Variants in NDUFV3 observed in about 807,000 individuals in gnomAD.
NDUFV3 encodes NADH dehydrogenase [ubiquinone] flavoprotein 3, mitochondrial.
Under a neutral mutation model 37.5 loss-of-function variants are expected in NDUFV3, and 44 were observed. That is an observed-to-expected ratio of 1.17 (90% CI 0.92 to 1.51). The LOEUF is 1.51. Ranked by LOEUF, NDUFV3 falls within the 40% of genes most tolerant of loss-of-function variation. The pLI, the probability that NDUFV3 is intolerant of heterozygous loss-of-function variation, is 0.00. For missense variants in NDUFV3, 580 were observed against 580.4 expected (o/e 1.00, Z 0.01); for synonymous variants, 235 against 239.3 (o/e 0.98, Z 0.17).
chr21:42,896,820 CTGAG>C, intron 1 of NDUFV3, 103 bp from the exon 2 acceptor site: 1 of 1,195,398 alleles, frequency 8.4e-7, no homozygotes, highest in Non-Finnish European at 1.2e-6. Context: ...GCCTGGACGA[CTGAG>C]AGAGACCCCT....
chr21:42,905,676 C>T (rs568173396), intron 3 of NDUFV3, among the ~76,000 whole-genome samples: 11 of 151,940 alleles, frequency 7.2e-5, no homozygotes, highest in East Asian at 3.9e-4. Context: ...GCACCACCCC[C>T]GGCTAATTTT....
intron 3 of NDUFV3, among the ~76,000 whole-genome samples, chr21:42,908,319 C>T (rs563091390): frequency 2.8e-4 from 42 of 151,328 alleles, no homozygotes; most frequent in Admixed American, 2.4e-3. Flanking sequence ...AAAAAAAAAA[C>T]GCATTGTAAT....
In NDUFV3 at chr21:42,911,375, G is replaced by A. The variant is rs1297727458; in HGVS notation, c.*2354G>A. On this transcript the variant is annotated 3_prime_UTR_variant, in exon 4 of 4. Transcript: ENST00000354250. ...TAAACACATTTTTTATAATAAAAGTGGTAAAACTACATTACCAAAAAGAAA... is the reference window on the plus strand; with the variant it reads ...TAAACACATTTTTTATAATAAAAGTAGTAAAACTACATTACCAAAAAGAAA... 1 of 149,624 alleles carries A rather than the reference G, an allele frequency of 6.7e-6. No homozygotes were observed. The highest frequency in any genetic ancestry group is 1.5e-5 in the Non-Finnish European group (1 of 67,678). 9.3% of individuals were successfully genotyped at this position (149,624 alleles called of 1,614,324 possible).
intron 1 of NDUFV3, among the ~76,000 whole-genome samples, chr21:42,894,402 T>A (rs865904422): frequency 1.2e-4 from 2 of 16,338 alleles, no homozygotes; most frequent in South Asian, 1.0e-3. Context: ...TATTATATAT[T>A]TATATAATAT....
rs370091298 is a variant in NDUFV3 at position 42,898,337 on chromosome 21, C to T, written c.169+1290C>T. On this transcript the variant is annotated intron_variant, in intron 2 of 3. Coordinates refer to ENST00000354250, the MANE Select transcript of NDUFV3 (RefSeq NM_021075.4). ...TGGCTCTCTCTCCCAGGCTGGAGTG[C>T]AGTGGCACAGTCATAGCTCACTACA... Among the ~76,000 whole-genome samples, 5 of 152,314 alleles carry T rather than the reference C, an allele frequency of 3.3e-5. No individual in the cohort carries two copies. In the East Asian group the frequency reaches 5.8e-4, roughly 18 times the overall value.
chr21:42,903,486 C>A lies in NDUFV3; in HGVS notation c.474C>A (p.Ser158Arg), dbSNP rs777380358. Residue 158 changes from serine to arginine, a missense_variant, in exon 3 of 4, where the codon AGC becomes AGA. Ser to Arg is a moderately radical substitution (Grantham distance 110). Coordinates refer to ENST00000354250, the MANE Select transcript of NDUFV3 (RefSeq NM_021075.4). ...VTSPSSSSSSSSSDSESDDEA... is the reference protein window; with the variant it reads ...VTSPSSSSSSRSSDSESDDEA... ...CGCCTTCGTCTTCATCCTCTTCCAG[C>A]TCCTCTGATTCTGAATCTGATGATG... The A allele has an allele frequency of 1.2e-6, 2 of 1,613,942 alleles. No individual in the cohort carries two copies. Among genetic ancestry groups the A allele is most frequent in the East Asian group, 4.5e-5 (2 of 44,898 alleles).
intron 3 of NDUFV3, among the ~76,000 whole-genome samples, chr21:42,905,723 C>T (rs184886514): frequency 6.6e-6 from 1 of 152,110 alleles, no homozygotes; most frequent in East Asian, 1.9e-4. Context: ...ACCATGTAGG[C>T]CAGGCTGGTC....
Position 42,893,766 on chromosome 21 carries a change from A to G in NDUFV3, c.48+385A>G, listed in dbSNP as rs373513685. On this transcript the variant is annotated intron_variant, in intron 1 of 3. Coordinates refer to ENST00000354250, the MANE Select transcript of NDUFV3 (RefSeq NM_021075.4). ...CTCCCGCACGGCTTCTCTGAAGGACAGTGACTTCTCCATTTAGCCAAGAGA... is the reference window on the plus strand; with the variant it reads ...CTCCCGCACGGCTTCTCTGAAGGACGGTGACTTCTCCATTTAGCCAAGAGA... Among the ~76,000 whole-genome samples, 22 of 152,374 alleles carry G rather than the reference A, an allele frequency of 1.4e-4. 1 individual carries two copies. In the South Asian group the frequency reaches 2.1e-3, roughly 14 times the overall value.
intron 2 of NDUFV3, 137 bp from the exon 3 acceptor site, chr21:42,903,045 T>C: frequency 1.6e-6 from 2 of 1,241,300 alleles, no homozygotes; most frequent in Non-Finnish European, 2.3e-6. Context: ...GCTTGGTGGG[T>C]TTCTATGGGA....
chr21:42,896,441 G>A (rs1352342537), intron 1 of NDUFV3, among the ~76,000 whole-genome samples: 1 of 151,740 alleles, frequency 6.6e-6, no homozygotes, highest in Admixed American at 6.6e-5. Flanking sequence ...CAGTCGCACC[G>A]CGCCCGGCCT....
chr21:42,912,856 C>T lies in NDUFV3; in HGVS notation c.*3835C>T, dbSNP rs1400966428. On this transcript the variant is annotated 3_prime_UTR_variant, in exon 4 of 4. Transcript: ENST00000354250. ...GCAGTGAACCGAGATAGCCTCACTGCACTCCAGCCTGGGCGAAAGAGCAAG... is the reference window on the plus strand; with the variant it reads ...GCAGTGAACCGAGATAGCCTCACTGTACTCCAGCCTGGGCGAAAGAGCAAG... The T allele has an allele frequency of 6.8e-6, 1 of 146,054 alleles. No homozygotes were observed. The highest frequency in any genetic ancestry group is 2.6e-5 in the African/African-American group (1 of 39,086). The allele number at this position is 146,054 out of a possible 1,614,324, so 9.0% of individuals were successfully genotyped here. A position where few individuals can be genotyped will look rare whatever the true frequency, so the allele number is the denominator to read the frequency against.
At chr21:42,894,480 T>TTTATATATTTATATAATATATAATATATA (rs2058680289) in intron 1 of NDUFV3, among the ~76,000 whole-genome samples, 1 of 45,454 alleles carries the variant, frequency 2.2e-5, no homozygotes, top group African/African-American at 1.2e-4. Context: ...ATATTATATA[T>TTTATATATTTATATAATATATAATATATA]TTATATATTT....
intron 2 of NDUFV3, 78 bp downstream of exon 2, chr21:42,897,125 T>G: frequency 6.7e-7 from 1 of 1,503,352 alleles, no homozygotes; most frequent in South Asian, 1.2e-5. Flanking sequence ...AGCACGACAG[T>G]GAGTTTTACT....
chr21:42,904,284 T>A lies in NDUFV3; in HGVS notation c.1264+8T>A. 1 of 1,582,106 alleles carries A rather than the reference T, an allele frequency of 6.3e-7. No individual in the cohort carries two copies. Among genetic ancestry groups the A allele is most frequent in the South Asian group, 1.1e-5 (1 of 87,334 alleles). Reference sequence around the variant, plus strand: ...ACCGAGGCGGCACACAGGGTATACCTTGACTCGCGCTCCCAAGTGCACCCT... The same window carrying A: ...ACCGAGGCGGCACACAGGGTATACCATGACTCGCGCTCCCAAGTGCACCCT... On this transcript the variant is annotated splice_region_variant and intron_variant, in intron 3 of 3. Transcript: ENST00000354250.
chr21:42,902,400 A>C (rs1201737302), intron 2 of NDUFV3, among the ~76,000 whole-genome samples: 2 of 152,170 alleles, frequency 1.3e-5, no homozygotes, highest in South Asian at 4.1e-4. Flanking sequence ...TATTTTGACA[A>C]GATGTGCAAG....
At chr21:42,900,067 C>T (rs939049671) in intron 2 of NDUFV3, among the ~76,000 whole-genome samples, 2 of 152,140 alleles carry the variant, frequency 1.3e-5, no homozygotes, top group East Asian at 1.9e-4. Context: ...GGTATGGTAG[C>T]GTGCACCTGT....
At chr21:42,902,148 C>T (rs963529298) in intron 2 of NDUFV3, among the ~76,000 whole-genome samples, 3 of 151,850 alleles carry the variant, frequency 2.0e-5, no homozygotes, top group South Asian at 2.1e-4. Context: ...GCAGAGGTTG[C>T]GGTGACTGGA....
At chr21:42,900,530 C>A (rs911815461) in intron 2 of NDUFV3, among the ~76,000 whole-genome samples, 3 of 152,080 alleles carry the variant, frequency 2.0e-5, no homozygotes, top group Non-Finnish European at 4.4e-5. Flanking sequence ...AATCCCTGTA[C>A]AAAGAAAAAT....
In NDUFV3 at chr21:42,904,587, C is replaced by A. The variant is rs374201740; in HGVS notation, c.1264+311C>A. On this transcript the variant is annotated intron_variant, in intron 3 of 3. Transcript: ENST00000354250. ...CTCACTACAACTTCCATCTCAAGCACTTCCCCTGCCTCAGCCTCCCAAGTA... is the reference window on the plus strand; with the variant it reads ...CTCACTACAACTTCCATCTCAAGCAATTCCCCTGCCTCAGCCTCCCAAGTA... 1.4e-4 allele frequency among the ~76,000 whole-genome samples: 21 copies of A among 150,012 alleles called. 1 individual carries two copies. The South Asian group carries it at 2.1e-3, about 15-fold the overall frequency.
Sources: gnomAD v4.1 joint callset for allele counts (sites outside exome capture counted in the v4.1 genomes callset) on GRCh38, gnomAD v4.1.1 for gene constraint, MANE v1.5 for transcripts, NCBI Gene and HGNC (gene_info 2026-07-23, HGNC 2026-07-21) for gene names.